The following LIN9 variants were observed in gnomAD, a reference collection of about 807,000 sequenced individuals.
LIN9 encodes the protein protein lin-9 homolog.
LIN9 carries 18 observed loss-of-function variants against 78.0 expected under a neutral mutation model. The ratio of observed to expected loss-of-function variants is 0.23; its 90% CI spans 0.16 to 0.34. The LOEUF is 0.34. LIN9 is among the 10% of genes least tolerant of loss of function. LIN9 has a pLI of 1.00. For synonymous variants in LIN9, 192 were observed against 215.2 expected, an observed-to-expected ratio of 0.89 and a Z score of 0.94; for missense variants, 451 against 644.1, an observed-to-expected ratio of 0.70 and a Z score of 3.25.
At chr1:226,284,779 T>A (rs1661295475) in intron 6 of LIN9, among the ~76,000 whole-genome samples, 1 of 152,208 alleles carries the variant, frequency 6.6e-6, no homozygotes, top group African/African-American at 2.4e-5. Context: ...TTTTAACTTA[T>A]AGACTAATTT....
intron 10 of LIN9, among the ~76,000 whole-genome samples, chr1:226,257,892 A>G (rs1426308622): frequency 6.6e-6 from 1 of 152,186 alleles, no homozygotes; most frequent in Non-Finnish European, 1.5e-5. Context: ...ATTAAAAGTA[A>G]ATGGATGAAG....
intron 14 of LIN9, 43 bp from the exon 15 acceptor site, chr1:226,232,649 A>G (rs748142391): frequency 1.4e-5 from 18 of 1,300,534 alleles, no homozygotes; most frequent in Non-Finnish European, 9.7e-6. Context: ...ATTTCAAAAA[A>G]TTAAGAAAAA....
intron 10 of LIN9, among the ~76,000 whole-genome samples, chr1:226,253,635 G>T (rs1658993604): frequency 6.6e-6 from 1 of 151,860 alleles, no homozygotes; most frequent in Non-Finnish European, 1.5e-5. Flanking sequence ...AATAAAAAGG[G>T]CCGGGTACGG....
intron 10 of LIN9, among the ~76,000 whole-genome samples, chr1:226,261,834 CAA>C (rs1478836073): frequency 6.6e-6 from 1 of 152,084 alleles, no homozygotes; most frequent in Non-Finnish European, 1.5e-5. Flanking sequence ...AGTAGAAGAA[CAA>C]AGTTGAAGGA....
chr1:226,267,910 A>T, intron 8 of LIN9, 47 bp downstream of exon 8: 1 of 1,564,602 alleles, frequency 6.4e-7, no homozygotes, highest in Non-Finnish European at 8.7e-7. Flanking sequence ...TCTATATAAC[A>T]CATTTAACAG....
intron 10 of LIN9, among the ~76,000 whole-genome samples, chr1:226,257,721 C>A (rs375147294): frequency 1.3e-5 from 2 of 151,650 alleles, no homozygotes; most frequent in East Asian, 3.9e-4. Context: ...TAAAGTAAAC[C>A]ATAAAACACA....
chr1:226,275,691 CAGAAAAAAAAA>C (rs1447701792), intron 7 of LIN9, among the ~76,000 whole-genome samples: 1 of 43,446 alleles, frequency 2.3e-5, no homozygotes, highest in African/African-American at 9.7e-5. Context: ...GACTCCGTCT[CAGAAAAAAAAA>C]AAAAAAAAAA....
At chr1:226,270,681 C>G (rs2102922925) in intron 7 of LIN9, among the ~76,000 whole-genome samples, 1 of 151,784 alleles carries the variant, frequency 6.6e-6, no homozygotes, top group African/African-American at 2.4e-5. Context: ...AAAAATTAGC[C>G]AGGCATGGTG....
In LIN9 at chr1:226,233,328, T is replaced by C; in HGVS notation, c.1425+16A>G. ...GCTTTGTGTCAAATTAAGAAAATAT[T>C]TTCTCTAAGATTTACCTTAATTTGT... On this transcript the variant is annotated intron_variant, in intron 13 of 14. Coordinates refer to ENST00000681046, the MANE Select transcript of LIN9 (RefSeq NM_001366245.2). 6.3e-7 allele frequency: 1 copy of C among 1,590,242 alleles called. No homozygotes were observed. Among genetic ancestry groups the C allele is most frequent in the South Asian group, 1.1e-5 (1 of 88,070 alleles).
chr1:226,299,445 G>A (rs1662372090), intron 2 of LIN9, among the ~76,000 whole-genome samples: 1 of 146,012 alleles, frequency 6.8e-6, no homozygotes, highest in African/African-American at 2.5e-5. Flanking sequence ...AGAGGTTGCA[G>A]TGAGCCAAGA....
rs560535432 is a variant in LIN9 at position 226,286,225 on chromosome 1, C to T, written c.524+108G>A. 1.7e-4 allele frequency: 204 copies of T among 1,175,802 alleles called. 1 individual carries two copies. In the South Asian group the frequency reaches 3.1e-3, roughly 18 times the overall value. 72.8% of individuals were successfully genotyped at this position (1,175,802 alleles called of 1,614,324 possible). A position where few individuals can be genotyped will look rare whatever the true frequency, so the allele number is the denominator to read the frequency against. On this transcript the variant is annotated intron_variant, in intron 6 of 14. Coordinates refer to ENST00000681046, the MANE Select transcript of LIN9 (RefSeq NM_001366245.2). Reference sequence around the variant, plus strand: ...GCATACTACAGCCCTGAACCCCTGGCCTTAAGCAAATACCCCATCTTAGCC... The same window carrying T: ...GCATACTACAGCCCTGAACCCCTGGTCTTAAGCAAATACCCCATCTTAGCC...
chr1:226,277,709 A>G (rs1660757801), intron 7 of LIN9, 66 bp downstream of exon 7: 1 of 1,410,502 alleles, frequency 7.1e-7, no homozygotes, highest in Admixed American at 2.1e-5. Context: ...AGAACCAAAG[A>G]AACAAAAAAG....
chr1:226,279,251 G>A (rs1660884253), intron 6 of LIN9, among the ~76,000 whole-genome samples: 1 of 151,972 alleles, frequency 6.6e-6, no homozygotes. Flanking sequence ...AGAATTGCTT[G>A]AGCCCAGGAG....
intron 11 of LIN9, among the ~76,000 whole-genome samples, chr1:226,241,097 A>G (rs1228581367): frequency 1.3e-5 from 2 of 152,222 alleles, no homozygotes; most frequent in Admixed American, 6.5e-5. Flanking sequence ...GATAATTTCC[A>G]CATAGGCCTG....
chr1:226,286,377 T>A lies in LIN9; in HGVS notation c.480A>T (p.Arg160Ser), dbSNP rs767356888. 1.6e-5 allele frequency: 25 copies of A among 1,612,744 alleles called. No homozygotes were observed. Among genetic ancestry groups the A allele is most frequent in the Non-Finnish European group, 2.1e-5 (25 of 1,179,598 alleles). The change falls in exon 6 of 15, where the codon AGA becomes AGT. Residue 160 changes from arginine to serine, a missense_variant. By Grantham distance (110) the Arg-to-Ser change is moderately radical. Transcript: ENST00000681046. ...FPNLKTRKLT[R>S]VEWGKIRRLM... ...GCCGCCGAATTTTTCCCCATTCTAC[T>A]CTTGTTAACTTTCTTGTTTTCAAAT...
At chr1:226,247,951 G>A (rs1658594040) in intron 11 of LIN9, among the ~76,000 whole-genome samples, 1 of 152,184 alleles carries the variant, frequency 6.6e-6, no homozygotes, top group Non-Finnish European at 1.5e-5. Flanking sequence ...TGGGATTACA[G>A]GTATGAGCCA....
chr1:226,304,886 T>C (rs980062142), intron 1 of LIN9, among the ~76,000 whole-genome samples: 7 of 152,034 alleles, frequency 4.6e-5, no homozygotes, highest in Non-Finnish European at 8.8e-5. Flanking sequence ...AGTTACATAG[T>C]AATACAAAAA....
intron 7 of LIN9, among the ~76,000 whole-genome samples, chr1:226,273,543 C>T (rs751779959): frequency 6.6e-6 from 1 of 152,074 alleles, no homozygotes; most frequent in Non-Finnish European, 1.5e-5. Context: ...CTGTACCTGG[C>T]CAAATTCAAT....
At chr1:226,268,540 T>C (rs1401109622) in intron 7 of LIN9, among the ~76,000 whole-genome samples, 2 of 152,240 alleles carry the variant, frequency 1.3e-5, no homozygotes, top group Non-Finnish European at 2.9e-5. Flanking sequence ...GTCTGGTATC[T>C]GGGAACTTGG....
Sources: gnomAD v4.1 joint callset for allele counts (sites outside exome capture counted in the v4.1 genomes callset) on GRCh38, gnomAD v4.1.1 for gene constraint, MANE v1.5 for transcripts, NCBI Gene and HGNC (gene_info 2026-07-23, HGNC 2026-07-21) for gene names.